The following IPO11 variants were observed in gnomAD, a reference collection of about 807,000 sequenced individuals.
IPO11 encodes the protein importin-11.
A neutral mutation model predicts 143.2 loss-of-function variants in IPO11; 66 were observed. That is an observed-to-expected ratio of 0.46 (90% confidence interval 0.38 to 0.57). IPO11 has a LOEUF of 0.57. Among genes scored for constraint, IPO11 ranks in the 20% least tolerant of loss-of-function variants. The probability of loss-of-function intolerance (pLI) is 0.00; values close to 1 mark genes in which losing one functional copy is unlikely to be tolerated. For missense variants in IPO11, 1,026 were observed against 1,141.0 expected, an observed-to-expected ratio of 0.90 and a Z score of 1.45; for synonymous variants, 385 against 377.8, an observed-to-expected ratio of 1.02 and a Z score of -0.22.
intron 29 of IPO11, among the ~76,000 whole-genome samples, chr5:62,613,544 C>T (rs982340243): frequency 1.3e-5 from 2 of 152,048 alleles, no homozygotes; most frequent in African/African-American, 2.4e-5. Context: ...CTCAGGCAAT[C>T]GGCCCGCCTC....
chr5:62,446,919 A>G (rs973028627), intron 3 of IPO11, among the ~76,000 whole-genome samples: 1 of 151,850 alleles, frequency 6.6e-6, no homozygotes, highest in Non-Finnish European at 1.5e-5. Context: ...GTGAGCTGAG[A>G]TCATGCCACT....
intron 28 of IPO11, 79 bp downstream of exon 28, chr5:62,591,751 C>T: frequency 3.5e-6 from 3 of 861,026 alleles, no homozygotes; most frequent in Non-Finnish European, 5.5e-6. Context: ...TTCACCATCA[C>T]TCTATAAGCA....
At chr5:62,447,670 C>G (rs967487994) in intron 3 of IPO11, among the ~76,000 whole-genome samples, 1 of 151,954 alleles carries the variant, frequency 6.6e-6, no homozygotes, top group South Asian at 2.1e-4. Context: ...ACTGCAACCT[C>G]GACTTCTCAG....
chr5:62,533,996 T>G (rs1203159979), intron 22 of IPO11, among the ~76,000 whole-genome samples: 1 of 152,112 alleles, frequency 6.6e-6, no homozygotes, highest in African/African-American at 2.4e-5. Context: ...GTTTCTTACT[T>G]TAAAACATAT....
chr5:62,464,467 C>T (rs1307459644), intron 5 of IPO11, among the ~76,000 whole-genome samples: 4 of 151,186 alleles, frequency 2.6e-5, no homozygotes, highest in African/African-American at 9.7e-5. Flanking sequence ...TTGTTTTCTT[C>T]GTTTTTTTTT....
intron 7 of IPO11, among the ~76,000 whole-genome samples, chr5:62,472,776 G>A (rs1479908431): frequency 4.6e-5 from 7 of 152,016 alleles, no homozygotes; most frequent in Non-Finnish European, 8.8e-5. Flanking sequence ...TGATCCACCC[G>A]CCTCGGCCTC....
chr5:62,458,497 T>A (rs1479002414), intron 5 of IPO11, among the ~76,000 whole-genome samples: 1 of 152,154 alleles, frequency 6.6e-6, no homozygotes, highest in African/African-American at 2.4e-5. Context: ...GACAGGGTTT[T>A]GCCACATTGG....
At chr5:62,466,907 A>T (rs1580212209) in intron 5 of IPO11, among the ~76,000 whole-genome samples, 1 of 152,340 alleles carries the variant, frequency 6.6e-6, no homozygotes, top group East Asian at 1.9e-4. Flanking sequence ...CTAGTATTTT[A>T]GGGGTGTGTC....
At chr5:62,626,305 G>T (rs1472612088) in intron 29 of IPO11, among the ~76,000 whole-genome samples, 1 of 152,188 alleles carries the variant, frequency 6.6e-6, no homozygotes, top group Non-Finnish European at 1.5e-5. Flanking sequence ...TGGGATTACA[G>T]GCATGAGCCA....
At chr5:62,435,082 G>GTATATATATGTGTATA in intron 1 of IPO11, among the ~76,000 whole-genome samples, 1 of 94,504 alleles carries the variant, frequency 1.1e-5, no homozygotes, top group South Asian at 3.1e-4. Context: ...GTATATATAT[G>GTATATATATGTGTATA]TGTATATATG....
intron 29 of IPO11, among the ~76,000 whole-genome samples, chr5:62,606,314 C>A (rs1745712415): frequency 2.1e-5 from 3 of 145,686 alleles, no homozygotes; most frequent in South Asian, 2.2e-4. Context: ...AATCCTGCCT[C>A]TAAAAAAAAA....
At chr5:62,448,992 A>T (rs1744815242) in intron 3 of IPO11, among the ~76,000 whole-genome samples, 1 of 152,188 alleles carries the variant, frequency 6.6e-6, no homozygotes. Flanking sequence ...CCCAGAATGA[A>T]AAACCTTAAA....
Position 62,579,756 on chromosome 5 carries a change from A to G in IPO11, c.2583-11821A>G, listed in dbSNP as rs1468894657. On this transcript the variant is annotated intron_variant, in intron 27 of 29. Transcript: ENST00000325324. The stretch of plus-strand genomic sequence containing the variant: ...ATGTATATCCAAAAGCCTTTGTTCA[A>G]TTGAGGCATCTATATTTTCTATTTC... 4.5e-6 allele frequency: 7 copies of G among 1,545,666 alleles called. No individual in the cohort carries two copies. In the African/African-American group the frequency reaches 5.5e-5, roughly 12 times the overall value.
At chr5:62,434,217 A>G (rs866544800) in intron 1 of IPO11, among the ~76,000 whole-genome samples, 1 of 152,060 alleles carries the variant, frequency 6.6e-6, no homozygotes, top group Middle Eastern at 3.4e-3. Context: ...TTCTCTTGTC[A>G]TTCACGTCTC....
chr5:62,499,178 G>T (rs1440344700), intron 16 of IPO11, among the ~76,000 whole-genome samples: 2 of 152,144 alleles, frequency 1.3e-5, no homozygotes, highest in Non-Finnish European at 2.9e-5. Context: ...TCATTGTGGG[G>T]ACATCATAGA....
At chr5:62,601,978 A>G (rs935138831) in intron 29 of IPO11, 130 bp downstream of exon 29, 2 of 530,400 alleles carry the variant, frequency 3.8e-6, no homozygotes, top group Non-Finnish European at 6.6e-6. Context: ...TACAGAATTA[A>G]TGTAAGGTGT....
intron 24 of IPO11, among the ~76,000 whole-genome samples, chr5:62,539,104 C>T (rs776566929): frequency 3.9e-4 from 60 of 152,048 alleles, no homozygotes; most frequent in Non-Finnish European, 7.9e-4. Context: ...TATTAGTTTC[C>T]TAGGGATGCT....
chr5:62,495,312 C>T (rs970144057), intron 16 of IPO11, among the ~76,000 whole-genome samples: 1 of 152,108 alleles, frequency 6.6e-6, no homozygotes, highest in African/African-American at 2.4e-5. Context: ...TCTGTAATAA[C>T]TTTAGAATAA....
intron 22 of IPO11, among the ~76,000 whole-genome samples, chr5:62,532,212 G>A (rs1742571942): frequency 6.6e-6 from 1 of 152,144 alleles, no homozygotes; most frequent in Non-Finnish European, 1.5e-5. Flanking sequence ...AAGAGTGATG[G>A]GAGAGGGATT....
Sources: allele counts gnomAD v4.1 joint callset (sites outside exome capture counted in the v4.1 genomes callset), GRCh38; gene constraint gnomAD v4.1.1; transcripts MANE v1.5; gene names NCBI Gene and HGNC (gene_info 2026-07-23, HGNC 2026-07-21).